ZNF44: variants seen among roughly 807,000 people sequenced by gnomAD.
ZNF44 encodes zinc finger protein 44.
A neutral mutation model predicts 11.7 loss-of-function variants in ZNF44; 9 were observed. The observed-to-expected ratio is 0.77, with a 90% CI of 0.46 to 1.35. The LOEUF is 1.35. Among genes scored for constraint, ZNF44 ranks in the 40% most tolerant of loss-of-function variants. ZNF44 has a pLI of 0.00. For synonymous variants in ZNF44, 224 were observed against 242.7 expected (o/e 0.92, Z 0.72); for missense variants, 696 against 743.1 (o/e 0.94, Z 0.74).
chr19:12,268,145 GACACACACACACACACACAC>G (rs71166661), downstream of ZNF44, among the ~76,000 whole-genome samples: 1 of 136,750 alleles, frequency 7.3e-6, no homozygotes, highest in Non-Finnish European at 1.6e-5. Context: ...CACACACACA[GACACACACACACACACACAC>G]ACACACACAC....
At chr19:12,246,969 G>A (rs965165268), downstream of ZNF44, among the ~76,000 whole-genome samples, 20 of 151,454 alleles carry the variant, frequency 1.3e-4, no homozygotes, top group Non-Finnish European at 1.8e-4. Flanking sequence ...GGGAGTTGGC[G>A]ACCAGCCTGG....
chr19:12,235,496 A>G (rs1216519085), intron 1 of ZNF44, among the ~76,000 whole-genome samples: 1 of 152,246 alleles, frequency 6.6e-6, no homozygotes, highest in East Asian at 1.9e-4. Flanking sequence ...CCAAAACTAG[A>G]TAGATACATT....
upstream of ZNF44, among the ~76,000 whole-genome samples, chr19:12,241,738 T>C (rs2438557): frequency 0.061 from 9,328 of 152,154 alleles, 972 homozygotes; most frequent in African/African-American, 0.22. Context: ...ACATACGCAC[T>C]GATTTTAGAG....
chr19:12,279,453 A>T (rs534297765), intron 1 of ZNF44, among the ~76,000 whole-genome samples: 251 of 152,320 alleles, frequency 1.6e-3, no homozygotes, highest in African/African-American at 5.7e-3. Flanking sequence ...TTACCCAGTT[A>T]TAACATTCAA....
chr19:12,289,042 C>T (rs959907120), intron 1 of ZNF44, among the ~76,000 whole-genome samples: 1 of 151,816 alleles, frequency 6.6e-6, no homozygotes, highest in Non-Finnish European at 1.5e-5. Flanking sequence ...TGATGGCTCA[C>T]GTCTCTAATT....
chr19:12,259,922 T>A (rs759957361), intron 5 of ZNF44, among the ~76,000 whole-genome samples: 15 of 152,168 alleles, frequency 9.9e-5, no homozygotes, highest in Non-Finnish European at 1.5e-4. Context: ...CATCATCTAA[T>A]GGCTGCTGTT....
At chr19:12,228,551 T>C (rs1254327107) in intron 3 of ZNF44, among the ~76,000 whole-genome samples, 1 of 152,224 alleles carries the variant, frequency 6.6e-6, no homozygotes, top group Non-Finnish European at 1.5e-5. Flanking sequence ...ATTTCTTGCA[T>C]AAATTCCATT....
At chr19:12,264,930 T>G (rs1382557984) in intron 5 of ZNF44, among the ~76,000 whole-genome samples, 1 of 151,980 alleles carries the variant, frequency 6.6e-6, no homozygotes, top group Non-Finnish European at 1.5e-5. Context: ...GCTCCTGAGC[T>G]CAGGAGATCC....
Position 12,226,447 on chromosome 19 carries a change from A to G in ZNF44, n.517T>C, listed in dbSNP as rs573058185. The G allele has an allele frequency of 2.0e-5, 3 of 152,344 alleles. No individual in the cohort carries two copies. The South Asian group carries it at 6.2e-4, about 32-fold the overall frequency. 9.4% of individuals were successfully genotyped at this position (152,344 alleles called of 1,614,324 possible). The stretch of plus-strand genomic sequence containing the variant: ...TTTCCAAGGGCTTTATTGGCTCCAT[A>G]AGTCAAATTTGATTCCTTAAAGGAA... On this transcript the variant is annotated non_coding_transcript_exon_variant, in exon 4 of 4. Transcript: ENST00000597563.
chr19:12,232,721 G>A (rs1200506504), intron 2 of ZNF44, among the ~76,000 whole-genome samples: 1 of 151,662 alleles, frequency 6.6e-6, no homozygotes, highest in East Asian at 1.9e-4. Context: ...AGAACAAAAT[G>A]GAGTCTCCTA....
Position 12,247,973 on chromosome 19 carries a change from A to G in ZNF44, c.*892T>C, listed in dbSNP as rs76678780. ...GTTTCTCTCCAGTATGAGTCTTTTC[A>G]TGTCTTTGAGCAGAGTTGTGATATA... On this transcript the variant is annotated 3_prime_UTR_variant and NMD_transcript_variant, in exon 8 of 8. Transcript: ENST00000393337. 8,123 of 1,349,132 alleles carry G rather than the reference A, an allele frequency of 6.0e-3. 435 individuals carry two copies. In the African/African-American group the frequency reaches 0.11, roughly 19 times the overall value. The allele number at this position is 1,349,132 out of a possible 1,614,324, so 83.6% of individuals were successfully genotyped here. A position where few individuals can be genotyped will look rare whatever the true frequency, so the allele number is the denominator to read the frequency against.
Position 12,279,812 on chromosome 19 carries a change from GA to G in ZNF44, c.4-3731del, listed in dbSNP as rs981805036. 5.2e-5 allele frequency among the ~76,000 whole-genome samples: 6 copies of G among 115,194 alleles called. No individual in the cohort carries two copies. In the South Asian group the frequency reaches 1.3e-3, roughly 24 times the overall value. 75.6% of individuals were successfully genotyped at this position (115,194 alleles called of 152,430 possible). The stretch of plus-strand genomic sequence containing the variant: ...ATTCAACAGATGTGAGCAACCAGTG[GA>G]AAAAAAAAACTAAAATGAAGGTAAA... On this transcript the variant is annotated intron_variant, in intron 1 of 3. Coordinates refer to ENST00000355684, the MANE Select transcript of ZNF44 (RefSeq NM_016264.4).
intron 5 of ZNF44, among the ~76,000 whole-genome samples, chr19:12,255,091 A>AACAC (rs140940065): frequency 0.022 from 3,241 of 145,696 alleles, 70 homozygotes; most frequent in African/African-American, 0.057. Context: ...TCCGTCTCAA[A>AACAC]ACACACACAC....
upstream of ZNF44, among the ~76,000 whole-genome samples, chr19:12,239,399 C>T (rs886516067): frequency 5.5e-5 from 8 of 146,384 alleles, no homozygotes; most frequent in African/African-American, 1.3e-4. Context: ...CGGGAGTGAG[C>T]GACTGCACCT....
intron 5 of ZNF44, among the ~76,000 whole-genome samples, chr19:12,257,358 A>G (rs989057132): frequency 4.6e-5 from 7 of 152,176 alleles, no homozygotes; most frequent in African/African-American, 1.7e-4. Flanking sequence ...TTTAAGAACA[A>G]GCCAAATTAG....
chr19:12,240,055 C>G (rs1691256852), upstream of ZNF44, among the ~76,000 whole-genome samples: 1 of 152,244 alleles, frequency 6.6e-6, no homozygotes, highest in South Asian at 2.1e-4. Flanking sequence ...CAAGTAATCC[C>G]ATGTTCATGG....
chr19:12,252,161 G>A (rs1917033796), intron 5 of ZNF44, among the ~76,000 whole-genome samples: 1 of 152,026 alleles, frequency 6.6e-6, no homozygotes, highest in African/African-American at 2.4e-5. Flanking sequence ...CTCAGCAGAG[G>A]TTTCCTCCAA....
chr19:12,268,143 C>G (rs557126290), downstream of ZNF44, among the ~76,000 whole-genome samples: 69 of 125,950 alleles, frequency 5.5e-4, no homozygotes, highest in African/African-American at 1.7e-3. Flanking sequence ...CACACACACA[C>G]AGACACACAC....
chr19:12,293,656 T>C (rs1010844935), intron 1 of ZNF44, among the ~76,000 whole-genome samples: 7 of 152,178 alleles, frequency 4.6e-5, no homozygotes, highest in Middle Eastern at 3.4e-3. Context: ...TTACTGGGAA[T>C]TGAGGAGTGA....
Sources: allele counts gnomAD v4.1 joint callset (sites outside exome capture counted in the v4.1 genomes callset), GRCh38; gene constraint gnomAD v4.1.1; transcripts MANE v1.5; gene names NCBI Gene and HGNC (gene_info 2026-07-23, HGNC 2026-07-21).